The following PHACTR1 variants were observed in gnomAD, a reference collection of about 807,000 sequenced individuals.
PHACTR1 encodes phosphatase and actin regulator 1, also known as RPEL repeat containing 1.
In PHACTR1, 16 loss-of-function variants were observed where a neutral mutation model predicts 69.2. The ratio of observed to expected loss-of-function variants is 0.23; its 90% CI spans 0.16 to 0.35. The LOEUF (loss-of-function observed/expected upper bound fraction) is 0.35. Ranked by LOEUF, PHACTR1 falls within the 10% of genes least tolerant of loss-of-function variation. PHACTR1 has a pLI of 1.00. For synonymous variants in PHACTR1, 312 were observed against 284.5 expected (o/e 1.10, Z -0.97); for missense variants, 510 against 734.7 (o/e 0.69, Z 3.54).
chr6:13,268,000 C>A (rs1777045737), intron 10 of PHACTR1, among the ~76,000 whole-genome samples: 2 of 152,146 alleles, frequency 1.3e-5, no homozygotes, highest in African/African-American at 4.8e-5. Context: ...GGCTCAGTGG[C>A]TCACACCTGT....
At chr6:12,782,143 G>A (rs1169905882) in intron 4 of PHACTR1, among the ~76,000 whole-genome samples, 1 of 152,130 alleles carries the variant, frequency 6.6e-6, no homozygotes, top group Non-Finnish European at 1.5e-5. Context: ...GTCCATCAGG[G>A]ATAAGCTTTA....
In PHACTR1 at chr6:13,160,444, C is replaced by A. The variant is rs1758824720; in HGVS notation, c.496+160C>A. 2.0e-5 allele frequency among the ~76,000 whole-genome samples: 3 copies of A among 152,170 alleles called. No individual in the cohort carries two copies. The South Asian group carries it at 6.2e-4, about 32-fold the overall frequency. On this transcript the variant is annotated intron_variant, in intron 6 of 14. Coordinates refer to ENST00000332995, the MANE Select transcript of PHACTR1 (RefSeq NM_030948.6). ...TAGAGAGAAAAGAGAACATAGCAGA[C>A]AGTGCTGAAGCTGTCAGCATCATAT... is the stretch of plus-strand genomic sequence containing the variant.
intron 4 of PHACTR1, among the ~76,000 whole-genome samples, chr6:12,910,915 G>A (rs962779365): frequency 1.9e-4 from 29 of 152,286 alleles, no homozygotes; most frequent in Admixed American, 1.5e-3. Context: ...GAACTGTGGC[G>A]CATGGTGTCA....
At chr6:12,844,404 C>CA (rs1431967829) in intron 4 of PHACTR1, among the ~76,000 whole-genome samples, 2 of 151,606 alleles carry the variant, frequency 1.3e-5, no homozygotes, top group Non-Finnish European at 2.9e-5. Context: ...CCCCCGCCCC[C>CA]AAAAAAACAC....
At position 13,159,896 on chromosome 6, in the gene PHACTR1, C is replaced by T. The variant is rs187173179; in HGVS notation, c.416-308C>T. 2.4e-3 allele frequency among the ~76,000 whole-genome samples: 371 copies of T among 152,104 alleles called. 3 individuals carry two copies. Among genetic ancestry groups the T allele is most frequent in the African/African-American group, 8.5e-3 (353 of 41,478 alleles). Reference sequence around the variant, plus strand: ...CAGGGGTTGCAGTGAGCTGAGATCGCGCCACTGTACTCCAGCCTGGGCAAC... The same window carrying T: ...CAGGGGTTGCAGTGAGCTGAGATCGTGCCACTGTACTCCAGCCTGGGCAAC... On this transcript the variant is annotated intron_variant, in intron 5 of 14. Coordinates refer to ENST00000332995, the MANE Select transcript of PHACTR1 (RefSeq NM_030948.6).
At chr6:12,877,665 C>T (rs937272831) in intron 4 of PHACTR1, among the ~76,000 whole-genome samples, 11 of 152,126 alleles carry the variant, frequency 7.2e-5, no homozygotes, top group African/African-American at 2.7e-4. Context: ...TGCGTTTGCT[C>T]CCACCTCTTC....
chr6:13,088,295 T>TC (rs71552732), intron 5 of PHACTR1, among the ~76,000 whole-genome samples: 1 of 147,920 alleles, frequency 6.8e-6, no homozygotes, highest in Admixed American at 6.7e-5. Context: ...CAGTTCTATT[T>TC]CCCCCCACCA....
chr6:12,848,517 A>C (rs1181211206), intron 4 of PHACTR1, among the ~76,000 whole-genome samples: 1 of 152,238 alleles, frequency 6.6e-6, no homozygotes, highest in Non-Finnish European at 1.5e-5. Flanking sequence ...GAAATGTAAT[A>C]GCATTTCATC....
At chr6:12,985,541 A>AT (rs1554186434) in intron 4 of PHACTR1, among the ~76,000 whole-genome samples, 10,376 of 132,440 alleles carry the variant, frequency 0.078, 424 homozygotes, top group African/African-American at 0.12. Context: ...AAAAAAAAAA[A>AT]ATATATATAT....
chr6:12,907,226 C>G (rs1412746), intron 4 of PHACTR1, among the ~76,000 whole-genome samples: 51 of 152,180 alleles, frequency 3.4e-4, no homozygotes, highest in Admixed American at 5.9e-4. Flanking sequence ...CTGGGCAACT[C>G]TTAGAAGCTC....
intron 8 of PHACTR1, among the ~76,000 whole-genome samples, chr6:13,223,807 G>T (rs1769086441): frequency 6.6e-6 from 1 of 152,146 alleles, no homozygotes; most frequent in Admixed American, 6.5e-5. Context: ...AACACTGTGT[G>T]TGAAAATTAC....
At chr6:13,161,130 TCAC>T (rs1758932767) in intron 6 of PHACTR1, among the ~76,000 whole-genome samples, 1 of 152,018 alleles carries the variant, frequency 6.6e-6, no homozygotes, top group Admixed American at 6.6e-5. Flanking sequence ...CAGGTGTGTA[TCAC>T]CACACCTGGC....
chr6:12,817,287 T>C (rs1775697133), intron 4 of PHACTR1, among the ~76,000 whole-genome samples: 1 of 152,322 alleles, frequency 6.6e-6, no homozygotes, highest in Non-Finnish European at 1.5e-5. Context: ...TCACATCGTA[T>C]GTATCCCTTT....
At chr6:13,267,838 GAAAAAAAAAAA>G (rs558900640) in intron 10 of PHACTR1, 8 of 101,058 alleles carry the variant, frequency 7.9e-5, no homozygotes, top group South Asian at 3.1e-4. Flanking sequence ...GGAATGATCT[GAAAAAAAAAAA>G]AAAAAAAAAA....
At chr6:12,949,511 C>T (rs1262566475) in intron 4 of PHACTR1, among the ~76,000 whole-genome samples, 1 of 152,058 alleles carries the variant, frequency 6.6e-6, no homozygotes, top group Non-Finnish European at 1.5e-5. Context: ...TGGGGAGCTT[C>T]CTGGAGGAGG....
chr6:13,256,034 G>A (rs1413428101), intron 10 of PHACTR1, among the ~76,000 whole-genome samples: 1 of 152,254 alleles, frequency 6.6e-6, no homozygotes, highest in Non-Finnish European at 1.5e-5. Flanking sequence ...CCCTGCAGCA[G>A]GCTTCTGCCT....
intron 5 of PHACTR1, among the ~76,000 whole-genome samples, chr6:13,068,936 G>A (rs774159682): frequency 6.6e-6 from 1 of 152,116 alleles, no homozygotes; most frequent in Non-Finnish European, 1.5e-5. Flanking sequence ...GGGTATTTCC[G>A]AGAGTGAAAT....
chr6:12,847,944 C>CAAG (rs1561941459), intron 4 of PHACTR1, among the ~76,000 whole-genome samples: 3 of 152,092 alleles, frequency 2.0e-5, no homozygotes, highest in African/African-American at 7.2e-5. Flanking sequence ...TCACTATTTC[C>CAAG]GGTATATTAT....
At chr6:12,717,404 A>T (rs1235281109) in intron 1 of PHACTR1, 105 bp from the exon 2 acceptor site, 2 of 152,038 alleles carry the variant, frequency 1.3e-5, no homozygotes. Context: ...TCTCTGCCTA[A>T]GAGATAGGGG....
Sources: allele counts gnomAD v4.1 joint callset (sites outside exome capture counted in the v4.1 genomes callset), GRCh38; gene constraint gnomAD v4.1.1; transcripts MANE v1.5; gene names NCBI Gene and HGNC (gene_info 2026-07-23, HGNC 2026-07-21).